Variants in PAK3 observed in about 807,000 individuals in gnomAD.
PAK3 encodes serine/threonine-protein kinase PAK 3.
A neutral mutation model predicts 41.0 loss-of-function variants in PAK3; 4 were observed. The observed-to-expected ratio is 0.10, with a 90% CI of 0.05 to 0.22. The LOEUF (loss-of-function observed/expected upper bound fraction) is 0.22. Ranked by LOEUF, PAK3 falls within the 10% of genes least tolerant of loss-of-function variation. The probability of loss-of-function intolerance (pLI) is 1.00; values close to 1 mark genes in which losing one functional copy is unlikely to be tolerated. For synonymous variants in PAK3, 146 were observed against 139.6 expected, an observed-to-expected ratio of 1.05 and a Z score of -0.32; for missense variants, 205 against 409.9, an observed-to-expected ratio of 0.50 and a Z score of 4.32.
At chrX:111,052,590 A>C (rs2092568630) in intron 1 of PAK3, among the ~76,000 whole-genome samples, 1 of 112,288 alleles carries the variant, frequency 8.9e-6, no homozygotes, top group Non-Finnish European at 1.9e-5. Context: ...CCAGTTTATA[A>C]ATGATAAAGC....
At chrX:111,163,540 C>T (rs771301360) in intron 9 of PAK3, 22 bp from the exon 10 acceptor site, 4 of 1,163,637 alleles carry the variant, frequency 3.4e-6, no homozygotes, top group Non-Finnish European at 4.7e-6. Flanking sequence ...GTTTTAATTG[C>T]AGAGCTTTTT....
chrX:111,087,366 T>C (rs1156678057), intron 1 of PAK3, among the ~76,000 whole-genome samples: 2 of 108,912 alleles, frequency 1.8e-5, no homozygotes, highest in Non-Finnish European at 3.8e-5. Context: ...CCCCTACAAG[T>C]GGTCGTATCA....
chrX:110,944,599 T>G (rs1179270262), exon 1 of PAK3: 1 of 112,445 alleles, frequency 8.9e-6, no homozygotes, highest in Admixed American at 9.3e-5. Flanking sequence ...GCCGCCCTCC[T>G]TCGCTCTGAC....
intron 8 of PAK3, among the ~76,000 whole-genome samples, chrX:111,154,132 A>T (rs1314199474): frequency 9.0e-6 from 1 of 111,569 alleles, no homozygotes; most frequent in Admixed American, 9.5e-5. Context: ...AGTTGCCAGG[A>T]GCTGGGAGCA....
intron 4 of PAK3, among the ~76,000 whole-genome samples, chrX:111,114,209 G>A (rs1718816265): frequency 8.9e-6 from 1 of 112,088 alleles, no homozygotes; most frequent in Non-Finnish European, 1.9e-5. Context: ...CACACTGTAT[G>A]ACATACATTT....
intron 4 of PAK3, among the ~76,000 whole-genome samples, chrX:111,107,137 A>C (rs2093282209): frequency 9.0e-6 from 1 of 111,667 alleles, no homozygotes; most frequent in African/African-American, 3.3e-5. Context: ...GCAAAAGTGC[A>C]TGTCTCTGGT....
chrX:111,009,391 G>A (rs1434990791), intron 1 of PAK3, among the ~76,000 whole-genome samples: 1 of 111,973 alleles, frequency 8.9e-6, no homozygotes, highest in African/African-American at 3.2e-5. Flanking sequence ...GATGGCACTG[G>A]AAGAGTGCAG....
intron 1 of PAK3, among the ~76,000 whole-genome samples, chrX:110,973,722 C>G (rs1053301064): frequency 1.8e-5 from 2 of 111,799 alleles, no homozygotes; most frequent in African/African-American, 6.5e-5. Flanking sequence ...CAATATTAAC[C>G]TTAAATGTAA....
At chrX:111,167,442 T>C (rs372399888) in intron 10 of PAK3, among the ~76,000 whole-genome samples, 1 of 110,627 alleles carries the variant, frequency 9.0e-6, no homozygotes, top group East Asian at 2.9e-4. Context: ...TACTAAGAGG[T>C]GGGCAGCCCA....
At chrX:111,118,972 A>G (rs1052986144) in intron 4 of PAK3, among the ~76,000 whole-genome samples, 3 of 111,391 alleles carry the variant, frequency 2.7e-5, no homozygotes, top group African/African-American at 9.8e-5. Flanking sequence ...CATGGCAACT[A>G]TAGATTAATA....
intron 5 of PAK3, among the ~76,000 whole-genome samples, chrX:111,137,339 C>G (rs2149070302): frequency 9.0e-6 from 1 of 111,415 alleles, no homozygotes; most frequent in South Asian, 3.8e-4. Flanking sequence ...ATAGTAGAGT[C>G]TAAAGTCATT....
At position 111,221,338 on chromosome X, in the gene PAK3, T is replaced by C. The variant is rs900393403; in HGVS notation, c.*891T>C. 8.9e-6 allele frequency: 1 copy of C among 112,104 alleles called. No individual in the cohort carries two copies. 9.2% of individuals were successfully genotyped at this position (112,104 alleles called of 1,213,427 possible). A position where few individuals can be genotyped will look rare whatever the true frequency, so the allele number is the denominator to read the frequency against. On this transcript the variant is annotated 3_prime_UTR_variant, in exon 18 of 18. Coordinates refer to ENST00000372007, the MANE Select transcript of PAK3 (RefSeq NM_002578.5). ...TGAAACTGAAACTGTGACATCCTGCTAGGTGAGTTCAGGTTCTGAACCTAG... is the reference window on the plus strand; with the variant it reads ...TGAAACTGAAACTGTGACATCCTGCCAGGTGAGTTCAGGTTCTGAACCTAG...
At chrX:111,146,874 G>A (rs754458863) in intron 6 of PAK3, among the ~76,000 whole-genome samples, 4 of 111,940 alleles carry the variant, frequency 3.6e-5, no homozygotes, top group Middle Eastern at 4.6e-3. Flanking sequence ...AGGAAAGAAT[G>A]TTGAATGCTC....
chrX:110,962,574 G>A (rs1347666650), intron 1 of PAK3, among the ~76,000 whole-genome samples: 1 of 112,415 alleles, frequency 8.9e-6, no homozygotes, highest in Non-Finnish European at 1.9e-5. Context: ...GACTCCCAGG[G>A]ACTTATAGCA....
intron 5 of PAK3, among the ~76,000 whole-genome samples, chrX:111,141,173 G>C (rs2093866199): frequency 9.0e-6 from 1 of 111,573 alleles, no homozygotes; most frequent in Admixed American, 9.6e-5. Context: ...TGCCATTTTA[G>C]AGTGTTTCCA....
At chrX:110,973,410 C>T (rs1009802957) in intron 1 of PAK3, among the ~76,000 whole-genome samples, 1 of 112,214 alleles carries the variant, frequency 8.9e-6, no homozygotes, top group Non-Finnish European at 1.9e-5. Flanking sequence ...GGCCAATATT[C>T]AATATTCTTA....
chrX:111,009,010 GC>G (rs199848852), intron 1 of PAK3, among the ~76,000 whole-genome samples: 1,332 of 110,852 alleles, frequency 0.012, 14 homozygotes, highest in South Asian at 0.045. Flanking sequence ...GGTACTGAGA[GC>G]CCCTGAGGGT....
In PAK3 at chrX:111,162,977, G is replaced by GGAA. The variant is rs749370794; in HGVS notation, c.546_548dup (p.Glu182dup). 7.5e-6 allele frequency: 9 copies of GGAA among 1,201,583 alleles called. No individual in the cohort carries two copies. The African/African-American group carries it at 8.8e-5, about 12-fold the overall frequency. On this transcript the variant is annotated inframe_insertion, in exon 9 of 18. Coordinates refer to ENST00000372007, the MANE Select transcript of PAK3 (RefSeq NM_002578.5). ...CTGTGTCTGAAGAAGAAGATGAAGAGGAAGAAGAAGAAGAAGATGAAAATG... is the reference window on the plus strand; with the variant it reads ...CTGTGTCTGAAGAAGAAGATGAAGAGGAAGAAGAAGAAGAAGAAGATGAAAATG...
intron 1 of PAK3, among the ~76,000 whole-genome samples, chrX:111,066,739 A>G (rs1036629489): frequency 8.9e-6 from 1 of 112,140 alleles, no homozygotes; most frequent in Non-Finnish European, 1.9e-5. Context: ...CAATAACAAT[A>G]GTTGTACTGC....
Sources: gnomAD v4.1 joint callset for allele counts (sites outside exome capture counted in the v4.1 genomes callset) on GRCh38, gnomAD v4.1.1 for gene constraint, MANE v1.5 for transcripts, NCBI Gene and HGNC (gene_info 2026-07-23, HGNC 2026-07-21) for gene names.